OSBPL10: variants seen among roughly 807,000 people sequenced by gnomAD.
OSBPL10 encodes oxysterol binding protein like 10.
A neutral mutation model predicts 81.7 loss-of-function variants in OSBPL10; 49 were observed. The observed-to-expected ratio is 0.60, with a 90% CI of 0.48 to 0.76. OSBPL10 has a LOEUF of 0.76. OSBPL10 is among the 30% of genes least tolerant of loss of function. The pLI is 0.00. For synonymous variants in OSBPL10, 419 were observed against 383.6 expected (o/e 1.09, Z -1.08); for missense variants, 923 against 987.8 (o/e 0.93, Z 0.88).
At chr3:31,774,422 G>T (rs1698487400) in intron 4 of OSBPL10, among the ~76,000 whole-genome samples, 1 of 152,170 alleles carries the variant, frequency 6.6e-6, no homozygotes, top group South Asian at 2.1e-4. Flanking sequence ...GGCTGACACA[G>T]GTGAAGGTAC....
At chr3:31,944,057 T>C (rs1325196110) in intron 1 of OSBPL10, among the ~76,000 whole-genome samples, 1 of 151,292 alleles carries the variant, frequency 6.6e-6, no homozygotes, top group Non-Finnish European at 1.5e-5. Context: ...AAGCATAACT[T>C]TATTAACTAT....
intron 1 of OSBPL10, among the ~76,000 whole-genome samples, chr3:31,920,508 G>A (rs550887016): frequency 5.3e-5 from 8 of 152,320 alleles, no homozygotes; most frequent in African/African-American, 1.9e-4. Flanking sequence ...TACTCTAGCT[G>A]ATAAAGTTGC....
At chr3:31,789,756 ACTCTC>A (rs1338808269) in intron 4 of OSBPL10, among the ~76,000 whole-genome samples, 1 of 151,908 alleles carries the variant, frequency 6.6e-6, no homozygotes, top group East Asian at 1.9e-4. Flanking sequence ...AGAGACTAAG[ACTCTC>A]CCTCTGCAAG....
intron 4 of OSBPL10, among the ~76,000 whole-genome samples, chr3:31,802,489 C>A (rs997072881): frequency 1.3e-5 from 2 of 148,952 alleles, no homozygotes; most frequent in African/African-American, 5.0e-5. Flanking sequence ...TCACTTGAAC[C>A]CAGGAGGTGG....
intron 3 of OSBPL10, among the ~76,000 whole-genome samples, chr3:31,851,821 G>A (rs187252288): frequency 3.3e-5 from 5 of 152,196 alleles, no homozygotes; most frequent in Non-Finnish European, 7.3e-5. Context: ...CCTGGAACCA[G>A]GCAGAGCAGG....
chr3:31,964,422 G>A (rs1698254569), intron 1 of OSBPL10, among the ~76,000 whole-genome samples: 1 of 152,078 alleles, frequency 6.6e-6, no homozygotes, highest in Non-Finnish European at 1.5e-5. Flanking sequence ...CTCCCATAGT[G>A]ATGGGATTAC....
At chr3:31,884,645 G>A (rs1695680808) in intron 1 of OSBPL10, among the ~76,000 whole-genome samples, 1 of 152,196 alleles carries the variant, frequency 6.6e-6, no homozygotes, top group Non-Finnish European at 1.5e-5. Flanking sequence ...CAAAGTCACA[G>A]CTTTCATTCT....
chr3:31,922,004 C>T (rs2125707404), intron 1 of OSBPL10, among the ~76,000 whole-genome samples: 1 of 152,316 alleles, frequency 6.6e-6, no homozygotes, highest in Middle Eastern at 3.4e-3. Flanking sequence ...TCCTACAATA[C>T]ACCTGACTAG....
chr3:31,946,179 C>T (rs1697697765), intron 1 of OSBPL10, among the ~76,000 whole-genome samples: 1 of 151,988 alleles, frequency 6.6e-6, no homozygotes, highest in African/African-American at 2.4e-5. Context: ...CAGGGTTTCA[C>T]CACGTTGGCC....
At chr3:32,047,063 G>A (rs1050902293) in intron 1 of OSBPL10, among the ~76,000 whole-genome samples, 53 of 152,202 alleles carry the variant, frequency 3.5e-4, no homozygotes, top group African/African-American at 1.3e-3. Flanking sequence ...GCAGTGGCAC[G>A]ATCTCGGCTC....
rs766225348 is a variant in OSBPL10, at chr3:31,683,617, C to T, written c.1726+17G>A. 5 of 1,599,660 alleles carry T rather than the reference C, an allele frequency of 3.1e-6. No homozygotes were observed. Among genetic ancestry groups the T allele is most frequent in the Non-Finnish European group, 4.3e-6 (5 of 1,169,068 alleles). On this transcript the variant is annotated intron_variant, in intron 8 of 11. Transcript: ENST00000396556. ...TCACTGTGTAAGAGCCAAACTCCAA[C>T]ATACGACATGGCTTACCTTCCCCTA...
chr3:31,918,765 TAATA>T (rs1398989610), intron 1 of OSBPL10, among the ~76,000 whole-genome samples: 1 of 152,192 alleles, frequency 6.6e-6, no homozygotes, highest in Non-Finnish European at 1.5e-5. Context: ...GACCATCTAT[TAATA>T]AATCTTCCAA....
intron 1 of OSBPL10, among the ~76,000 whole-genome samples, chr3:31,966,153 A>ACG (rs1553644656): frequency 7.4e-6 from 1 of 134,842 alleles, no homozygotes; most frequent in Non-Finnish European, 1.6e-5. Context: ...CAACAAAATT[A>ACG]TGTGTGTGTG....
intron 8 of OSBPL10, among the ~76,000 whole-genome samples, chr3:31,681,048 G>T (rs1700628466): frequency 6.6e-6 from 1 of 152,198 alleles, no homozygotes; most frequent in Non-Finnish European, 1.5e-5. Context: ...TTCCCCCACA[G>T]ATACAACCCA....
At chr3:31,941,794 A>C (rs1697541475) in intron 1 of OSBPL10, among the ~76,000 whole-genome samples, 1 of 152,246 alleles carries the variant, frequency 6.6e-6, no homozygotes, top group Non-Finnish European at 1.5e-5. Context: ...GAAGCAGAGA[A>C]TATAAGTAAA....
chr3:32,074,478 CTTCACGTTACTGAT>C (rs1388283723), intron 1 of OSBPL10, among the ~76,000 whole-genome samples: 5 of 152,140 alleles, frequency 3.3e-5, no homozygotes, highest in African/African-American at 1.2e-4. Context: ...AGCATTCCAA[CTTCACGTTACTGAT>C]AAGCCCTCTA....
intron 1 of OSBPL10, among the ~76,000 whole-genome samples, chr3:31,946,315 G>GT (rs1342805047): frequency 6.7e-6 from 1 of 149,444 alleles, no homozygotes; most frequent in Admixed American, 6.7e-5. Context: ...GGGAACTCAA[G>GT]TTTTTTACTT....
At chr3:31,990,342 T>C in intron 2 of OSBPL10, 4 of 1,614,114 alleles carry the variant, frequency 2.5e-6, no homozygotes, top group Non-Finnish European at 3.4e-6. Context: ...GAATCCATAA[T>C]GAAGAGAGAT....
intron 4 of OSBPL10, among the ~76,000 whole-genome samples, chr3:31,784,381 G>T (rs997902764): frequency 6.9e-6 from 1 of 144,546 alleles, no homozygotes; most frequent in Non-Finnish European, 1.6e-5. Context: ...AAAGGAAAGG[G>T]AAAAGGAAAA....
Sources: allele counts gnomAD v4.1 joint callset (sites outside exome capture counted in the v4.1 genomes callset), GRCh38; gene constraint gnomAD v4.1.1; transcripts MANE v1.5; gene names NCBI Gene and HGNC (gene_info 2026-07-23, HGNC 2026-07-21).